SCHIP1: variants seen among roughly 807,000 people sequenced by gnomAD.
SCHIP1 encodes schwannomin interacting protein 1, also known as schwannomin-interacting protein 1.
Under a neutral mutation model 29.7 loss-of-function variants are expected in SCHIP1, and 8 were observed. That is an observed-to-expected ratio of 0.27 (90% CI 0.16 to 0.49). The LOEUF (loss-of-function observed/expected upper bound fraction) is 0.49. Among genes scored for constraint, SCHIP1 ranks in the 20% least tolerant of loss-of-function variants. The pLI, the probability that SCHIP1 is intolerant of heterozygous loss-of-function variation, is 0.99. For missense variants in SCHIP1, 193 were observed against 294.6 expected (o/e 0.66, Z 2.52); for synonymous variants, 76 against 94.9 (o/e 0.80, Z 1.16).
chr3:159,293,789 G>A, the SCHIP1 span, among the ~76,000 whole-genome samples: 1 of 151,748 alleles, frequency 6.6e-6, no homozygotes, highest in East Asian at 1.9e-4. Flanking sequence ...ATAGTTATAG[G>A]GCAAAAAATA....
the SCHIP1 span, among the ~76,000 whole-genome samples, chr3:159,691,551 T>A: frequency 6.6e-6 from 1 of 152,026 alleles, no homozygotes; most frequent in Non-Finnish European, 1.5e-5. Flanking sequence ...GACTCTTTTT[T>A]CAATTCGCCA....
chr3:159,401,662 C>T, the SCHIP1 span, among the ~76,000 whole-genome samples: 2 of 152,326 alleles, frequency 1.3e-5, no homozygotes, highest in East Asian at 3.9e-4. Context: ...TCTCTATACA[C>T]ATTGTGAGTT....
At chr3:159,684,390 C>T in the SCHIP1 span, among the ~76,000 whole-genome samples, 2 of 152,114 alleles carry the variant, frequency 1.3e-5, no homozygotes, top group Non-Finnish European at 2.9e-5. Flanking sequence ...TCACTGTGGC[C>T]AGGTGTAATG....
the SCHIP1 span, chr3:159,763,994 CAGCGCCTAG>C: frequency 6.5e-6 from 1 of 152,674 alleles, no homozygotes; most frequent in Non-Finnish European, 1.5e-5. Flanking sequence ...GGGGTGGTCT[CAGCGCCTAG>C]AGCGAGATGC....
At chr3:159,402,838 G>A in the SCHIP1 span, among the ~76,000 whole-genome samples, 6 of 151,956 alleles carry the variant, frequency 3.9e-5, no homozygotes, top group African/African-American at 9.7e-5. Flanking sequence ...GCTAAATGAC[G>A]AGTTGATGGG....
the SCHIP1 span, among the ~76,000 whole-genome samples, chr3:159,609,019 TAATTTCTAGGG>T: frequency 6.6e-6 from 1 of 152,208 alleles, no homozygotes; most frequent in African/African-American, 2.4e-5. Flanking sequence ...AAGCAAATAC[TAATTTCTAGGG>T]ATTCAAAATA....
intron 6 of SCHIP1, chr3:159,894,404 C>T (rs1004457227): frequency 8.5e-5 from 13 of 152,206 alleles, no homozygotes; most frequent in Non-Finnish European, 5.9e-5. Context: ...CAGGGTCATT[C>T]CATGCTGGCA....
chr3:159,888,655 G>A (rs1368713985), intron 4 of SCHIP1, 165 bp from the exon 6 acceptor site: 1 of 955,426 alleles, frequency 1.0e-6, no homozygotes, highest in Non-Finnish European at 1.5e-6. Context: ...GTAATGTAGT[G>A]TGGATGTAGG....
chr3:159,767,524 A>G, the SCHIP1 span, among the ~76,000 whole-genome samples: 1 of 152,240 alleles, frequency 6.6e-6, no homozygotes, highest in Non-Finnish European at 1.5e-5. Flanking sequence ...GTTCAAATCC[A>G]ATGATATTTT....
chr3:159,473,279 A>G, the SCHIP1 span, among the ~76,000 whole-genome samples: 1 of 151,920 alleles, frequency 6.6e-6, no homozygotes, highest in Non-Finnish European at 1.5e-5. Context: ...AATAAAAATT[A>G]TAAAATAGCC....
chr3:159,691,439 T>C, the SCHIP1 span, among the ~76,000 whole-genome samples: 2 of 150,454 alleles, frequency 1.3e-5, no homozygotes, highest in Non-Finnish European at 3.0e-5. Flanking sequence ...TTTTTTTGCT[T>C]TCCATTTGCT....
At chr3:159,432,110 C>G in the SCHIP1 span, among the ~76,000 whole-genome samples, 1 of 152,036 alleles carries the variant, frequency 6.6e-6, no homozygotes, top group Non-Finnish European at 1.5e-5. Flanking sequence ...ACAGTTAAGA[C>G]GTTGACTGGA....
At chr3:159,277,036 C>G in the SCHIP1 span, among the ~76,000 whole-genome samples, 1 of 152,104 alleles carries the variant, frequency 6.6e-6, no homozygotes, top group African/African-American at 2.4e-5. Flanking sequence ...TAATAAGACC[C>G]ATCTTGATGC....
the SCHIP1 span, among the ~76,000 whole-genome samples, chr3:159,516,349 G>A: frequency 4.9e-4 from 74 of 152,194 alleles, no homozygotes; most frequent in African/African-American, 1.7e-3. Flanking sequence ...GTGGGACACC[G>A]TCATCCACAA....
chr3:159,575,373 T>G, the SCHIP1 span, among the ~76,000 whole-genome samples: 2 of 152,162 alleles, frequency 1.3e-5, no homozygotes, highest in Non-Finnish European at 2.9e-5. Context: ...CCATTTAGAT[T>G]GAGTTATTTT....
the SCHIP1 span, among the ~76,000 whole-genome samples, chr3:159,317,835 G>T: frequency 1.8e-4 from 28 of 152,184 alleles, no homozygotes; most frequent in Non-Finnish European, 3.8e-4. Flanking sequence ...TTATGTGCAG[G>T]ATAGGCAATC....
At chr3:159,382,466 C>T in the SCHIP1 span, among the ~76,000 whole-genome samples, 2 of 151,770 alleles carry the variant, frequency 1.3e-5, no homozygotes, top group Admixed American at 1.3e-4. Flanking sequence ...CATAGTATTC[C>T]ATGGTGTATA....
At chr3:159,602,103 TCACA>T in the SCHIP1 span, among the ~76,000 whole-genome samples, 1 of 152,178 alleles carries the variant, frequency 6.6e-6, no homozygotes. Context: ...CTCCCATGGT[TCACA>T]TCGCAGCAGT....
chr3:159,593,275 G>A, the SCHIP1 span, among the ~76,000 whole-genome samples: 35 of 152,246 alleles, frequency 2.3e-4, no homozygotes, highest in Middle Eastern at 0.014. Context: ...CCCAACTCTG[G>A]AGTTGAGGAA....
Sources: allele counts gnomAD v4.1 joint callset (sites outside exome capture counted in the v4.1 genomes callset), GRCh38; gene constraint gnomAD v4.1.1; transcripts MANE v1.5; gene names NCBI Gene and HGNC (gene_info 2026-07-23, HGNC 2026-07-21).